POLR1C: variants seen among roughly 807,000 people sequenced by gnomAD.
POLR1C encodes the protein DNA-directed RNA polymerases I and III subunit RPAC1.
In POLR1C, 42 loss-of-function variants were observed where a neutral mutation model predicts 38.3. That is an observed-to-expected ratio of 1.10 (90% CI 0.86 to 1.42). POLR1C has a LOEUF of 1.42. POLR1C is among the 40% of genes most tolerant of loss of function. The pLI is 0.00. For synonymous variants in POLR1C, 163 were observed against 163.9 expected, an observed-to-expected ratio of 0.99 and a Z score of 0.04; for missense variants, 507 against 450.5, an observed-to-expected ratio of 1.13 and a Z score of -1.14.
downstream of POLR1C, among the ~76,000 whole-genome samples, chr6:43,530,468 A>G (rs1793899030): frequency 6.6e-6 from 1 of 152,180 alleles, no homozygotes; most frequent in South Asian, 2.1e-4. Flanking sequence ...AGAAGGGGGA[A>G]GGTAAAAATT....
At chr6:43,520,473 C>T (rs764666012) in intron 6 of POLR1C, 46 bp downstream of exon 6, 1 of 1,610,822 alleles carries the variant, frequency 6.2e-7, no homozygotes, top group Admixed American at 1.7e-5. Flanking sequence ...AGTTCGGTTG[C>T]AGTGGGGCAA....
chr6:43,536,425 AAAAGT>A (rs1794328003), intron 9 of POLR1C, among the ~76,000 whole-genome samples: 2 of 150,820 alleles, frequency 1.3e-5, no homozygotes, highest in African/African-American at 4.9e-5. Context: ...GACAAAAAAA[AAAAGT>A]CATTCACTAA....
chr6:43,546,220 C>T (rs1051782811), intron 9 of POLR1C, among the ~76,000 whole-genome samples: 1 of 152,078 alleles, frequency 6.6e-6, no homozygotes, highest in African/African-American at 2.4e-5. Context: ...TAGAAGGCAA[C>T]TGCCCTGCTC....
At chr6:43,524,628 C>T, downstream of POLR1C, 1 of 1,613,820 alleles carries the variant, frequency 6.2e-7, no homozygotes, top group Non-Finnish European at 8.5e-7. Context: ...CTCCAGGTAC[C>T]TGGGGCGCTG....
intron 10 of POLR1C, chr6:43,556,091 T>C (rs1030723413): frequency 1.6e-6 from 2 of 1,256,614 alleles, no homozygotes; most frequent in Non-Finnish European, 2.2e-6. Flanking sequence ...GACTTGTGCT[T>C]TGCATGTAAT....
chr6:43,523,765 T>TGGTGGAAAGTGA, downstream of POLR1C: 2 of 1,569,134 alleles, frequency 1.3e-6, no homozygotes, highest in South Asian at 2.2e-5. Context: ...AGGCTGACAG[T>TGGTGGAAAGTGA]GGTGGAAAGT....
downstream of POLR1C, chr6:43,525,059 G>T: frequency 1.3e-6 from 2 of 1,575,350 alleles, no homozygotes; most frequent in South Asian, 2.3e-5. Context: ...CAGTCTGCAT[G>T]ACCCAAACCT....
Position 43,553,260 on chromosome 6 carries a change from C to T in POLR1C, c.*48+2249C>T, listed in dbSNP as rs1795337565. 6 of 1,321,936 alleles carry T rather than the reference C, an allele frequency of 4.5e-6. No individual in the cohort carries two copies. The East Asian group carries it at 1.6e-4, about 36-fold the overall frequency. The allele number at this position is 1,321,936 out of a possible 1,614,324, so 81.9% of individuals were successfully genotyped here. ...GAGGTTACAGAGAGCTATGATTGTG[C>T]CACTGCATTTCAGCCTGAGCAACAG... On this transcript the variant is annotated intron_variant, in intron 10 of 10. Transcript: ENST00000607635.
At chr6:43,517,220 C>T in intron 1 of POLR1C, 42 bp downstream of exon 1, 1 of 1,609,124 alleles carries the variant, frequency 6.2e-7, no homozygotes, top group East Asian at 2.2e-5. Context: ...GGAATGAGAG[C>T]GGAACAGGGA....
chr6:43,518,360 G>T (rs187448723), intron 2 of POLR1C, among the ~76,000 whole-genome samples: 108 of 152,272 alleles, frequency 7.1e-4, no homozygotes, highest in African/African-American at 2.5e-3. Flanking sequence ...TGACTTTTTG[G>T]CTTGGGAACT....
At chr6:43,561,085 A>C in intron 10 of POLR1C, 1 of 1,197,000 alleles carries the variant, frequency 8.4e-7, no homozygotes, top group Non-Finnish European at 1.2e-6. Flanking sequence ...TAATAAAAAC[A>C]GATAAATTAA....
At chr6:43,558,411 G>T in intron 10 of POLR1C, 2 of 1,226,652 alleles carry the variant, frequency 1.6e-6, no homozygotes, top group South Asian at 1.6e-5. Flanking sequence ...GGGATCTTTC[G>T]TAAAAACCCC....
chr6:43,527,527 G>T, intron 8 of POLR1C: 3 of 1,146,016 alleles, frequency 2.6e-6, no homozygotes, highest in Middle Eastern at 2.0e-4. Context: ...CATGCCCGCC[G>T]CAAACATGAA....
chr6:43,519,836 A>G lies in POLR1C; in HGVS notation c.380A>G (p.Gln127Arg), dbSNP rs1215298509. ...CCCCGTCTTTTTGAGTATCGGAACC[A>G]AGGTGAGAAAATGAAATTTTGGGAG... The part of the protein sequence containing the change: ...ADPRLFEYRN[Q>R]GDEEGTEIDT... The change falls in exon 4 of 9, where the codon CAA (glutamine) becomes CGA (arginine). Residue 127 changes from glutamine to arginine, a missense_variant and splice_region_variant. Transcript: ENST00000642195. 1.2e-6 allele frequency: 2 copies of G among 1,613,878 alleles called. No individual in the cohort carries two copies. Among genetic ancestry groups the G allele is most frequent in the Admixed American group, 3.3e-5 (2 of 59,930 alleles).
chr6:43,539,681 A>AC, intron 9 of POLR1C: 1 of 893,274 alleles, frequency 1.1e-6, no homozygotes, highest in Non-Finnish European at 1.7e-6. Flanking sequence ...AGGCCCCCCC[A>AC]CTGCACCGGC....
In POLR1C at chr6:43,547,616, G is replaced by A. The variant is rs1795022699; in HGVS notation, c.*5-3352G>A. ...TCCCAGGAAAGTCTTACTCGTGCAC[G>A]GTTTAAGCCACACGGATCCTCCAGG... On this transcript the variant is annotated intron_variant, in intron 9 of 10. Transcript: ENST00000607635. 8 of 1,613,848 alleles carry A rather than the reference G, an allele frequency of 5.0e-6. No homozygotes were observed. Among genetic ancestry groups the A allele is most frequent in the East Asian group, 2.2e-5 (1 of 44,900 alleles).
rs765656561 is a variant in POLR1C, at chr6:43,549,967, T to G, written c.*5-1001T>G. ...AGAGGAGGAAAAAAGGTCACTCATG[T>G]TTATTTGTTTTAGAGATGAGATCTT... On this transcript the variant is annotated intron_variant, in intron 9 of 10. Transcript: ENST00000607635. The G allele has an allele frequency of 3.7e-5, 60 of 1,604,084 alleles. No homozygotes were observed. The Admixed American group carries it at 1.0e-3, about 27-fold the overall frequency.
chr6:43,527,557 C>T, intron 8 of POLR1C: 1 of 1,454,230 alleles, frequency 6.9e-7, no homozygotes, highest in South Asian at 1.2e-5. Context: ...TTAGTCAGGC[C>T]TTCATGGAGT....
chr6:43,549,941 G>T, intron 9 of POLR1C: 1 of 1,611,922 alleles, frequency 6.2e-7, no homozygotes, highest in Non-Finnish European at 8.5e-7. Context: ...ATAGCTAAGG[G>T]AGAGGAGGAA....
Sources: gnomAD v4.1 joint callset for allele counts (sites outside exome capture counted in the v4.1 genomes callset) on GRCh38, gnomAD v4.1.1 for gene constraint, MANE v1.5 for transcripts, NCBI Gene and HGNC (gene_info 2026-07-23, HGNC 2026-07-21) for gene names.